Variants in PLCE1 observed in about 807,000 individuals in gnomAD.
PLCE1 encodes 1-phosphatidylinositol 4,5-bisphosphate phosphodiesterase epsilon-1.
Under a neutral mutation model 242.8 loss-of-function variants are expected in PLCE1, and 119 were observed. The observed-to-expected ratio is 0.49, with a 90% CI of 0.42 to 0.57. The LOEUF is 0.57. Among genes scored for constraint, PLCE1 ranks in the 20% least tolerant of loss-of-function variants. The pLI is 0.00. For missense variants in PLCE1, 2,441 were observed against 2,788.8 expected (o/e 0.88, Z 2.81); for synonymous variants, 945 against 1,017.4 (o/e 0.93, Z 1.35).
At chr10:94,272,414 G>T (rs938160792) in intron 18 of PLCE1, among the ~76,000 whole-genome samples, 6 of 152,214 alleles carry the variant, frequency 3.9e-5, no homozygotes, top group Middle Eastern at 3.4e-3. Context: ...ACACCTTATG[G>T]TTGTCTTCCC....
chr10:94,138,227 C>A, intron 3 of PLCE1: 1 of 330,918 alleles, frequency 3.0e-6, no homozygotes, highest in Non-Finnish European at 5.9e-6. Context: ...TAGAGAATCA[C>A]CAGGGGGTGC....
At chr10:94,012,705 C>G (rs1263559867) in intron 1 of PLCE1, among the ~76,000 whole-genome samples, 1 of 151,966 alleles carries the variant, frequency 6.6e-6, no homozygotes, top group African/African-American at 2.4e-5. Flanking sequence ...ATCTTCTGGT[C>G]CCCTTCCCTC....
chr10:94,130,801 G>A (rs1023359129), intron 2 of PLCE1, among the ~76,000 whole-genome samples: 1 of 152,164 alleles, frequency 6.6e-6, no homozygotes, highest in African/African-American at 2.4e-5. Flanking sequence ...TGCATTCTGG[G>A]GTATCATAAG....
At chr10:94,101,895 AGACATGTACCCAG>A (rs1285282722) in intron 2 of PLCE1, among the ~76,000 whole-genome samples, 1 of 152,126 alleles carries the variant, frequency 6.6e-6, no homozygotes, top group Non-Finnish European at 1.5e-5. Flanking sequence ...ATGTGATAGG[AGACATGTACCCAG>A]GACATGTACC....
At chr10:94,032,838 G>A (rs2061586933) in intron 2 of PLCE1, among the ~76,000 whole-genome samples, 1 of 151,816 alleles carries the variant, frequency 6.6e-6, no homozygotes, top group Non-Finnish European at 1.5e-5. Context: ...GACAATTTAG[G>A]TGCTTCTTTA....
At chr10:94,042,848 C>T (rs1258347143) in intron 2 of PLCE1, among the ~76,000 whole-genome samples, 2 of 152,190 alleles carry the variant, frequency 1.3e-5, no homozygotes, top group Non-Finnish European at 2.9e-5. Context: ...AAGCAAACTG[C>T]ACACATCTTG....
chr10:94,078,928 G>A (rs1305938958), intron 2 of PLCE1, among the ~76,000 whole-genome samples: 2 of 152,188 alleles, frequency 1.3e-5, no homozygotes, highest in African/African-American at 2.4e-5. Context: ...CAGGGAATGG[G>A]CTTCTGGAAG....
At chr10:94,000,192 G>T (rs1248442920) in intron 1 of PLCE1, among the ~76,000 whole-genome samples, 1 of 152,238 alleles carries the variant, frequency 6.6e-6, no homozygotes, top group African/African-American at 2.4e-5. Context: ...TAGACAAAGA[G>T]ACAAGTTTGA....
rs561668869 is a variant in PLCE1 at position 94,319,315 on chromosome 10, T to C, written c.6342+2559T>C. On this transcript the variant is annotated intron_variant, in intron 29 of 32. Coordinates refer to ENST00000371380, the MANE Select transcript of PLCE1 (RefSeq NM_016341.4). ...GTGCATAGTGATACCCAAATAATAA[T>C]TGCTGATTGAATAAATGAATTCAGT... is the stretch of plus-strand genomic sequence containing the variant. 9.7e-4 allele frequency among the ~76,000 whole-genome samples: 147 copies of C among 152,276 alleles called. No individual in the cohort carries two copies. The South Asian group carries it at 0.011, about 12-fold the overall frequency.
rs1156269887 is a variant in PLCE1 at position 94,322,469 on chromosome 10, G to A, written c.6501+410G>A. 2.6e-5 allele frequency among the ~76,000 whole-genome samples: 4 copies of A among 152,124 alleles called. No homozygotes were observed. In the East Asian group the frequency reaches 7.7e-4, roughly 29 times the overall value. On this transcript the variant is annotated intron_variant, in intron 30 of 32. Transcript: ENST00000371380. ...AGTTTGAGACCAGCATGGCTGACATGGCAAAACCCTGTCTTTACAAAAAGT... is the reference window on the plus strand; with the variant it reads ...AGTTTGAGACCAGCATGGCTGACATAGCAAAACCCTGTCTTTACAAAAAGT...
intron 2 of PLCE1, among the ~76,000 whole-genome samples, chr10:94,128,569 T>C (rs1449004758): frequency 6.6e-6 from 1 of 152,232 alleles, no homozygotes; most frequent in Non-Finnish European, 1.5e-5. Flanking sequence ...CTGATAACGA[T>C]GTTGAAATAT....
intron 6 of PLCE1, 106 bp downstream of exon 6, chr10:94,234,418 G>A (rs2050249349): frequency 2.6e-6 from 3 of 1,172,754 alleles, no homozygotes; most frequent in Non-Finnish European, 3.8e-6. Flanking sequence ...TGAACACAGG[G>A]TTAATAGTTG....
At chr10:94,251,866 G>A (rs993381617) in intron 8 of PLCE1, among the ~76,000 whole-genome samples, 4 of 152,254 alleles carry the variant, frequency 2.6e-5, no homozygotes, top group South Asian at 2.1e-4. Flanking sequence ...TTTCAAGTCC[G>A]ACTGTCCCAA....
chr10:94,309,377 T>TTGGATGGCAC (rs2053310505), intron 27 of PLCE1, among the ~76,000 whole-genome samples: 1 of 151,916 alleles, frequency 6.6e-6, no homozygotes. Flanking sequence ...GTCACCCAGG[T>TTGGATGGCAC]TGGAGTGCAG....
intron 7 of PLCE1, among the ~76,000 whole-genome samples, chr10:94,236,696 A>T (rs1294374194): frequency 1.3e-5 from 2 of 152,208 alleles, no homozygotes; most frequent in Non-Finnish European, 2.9e-5. Flanking sequence ...GCAGGTTTTT[A>T]AATTGCTCAG....
intron 3 of PLCE1, among the ~76,000 whole-genome samples, chr10:94,165,131 C>G (rs968077684): frequency 6.6e-6 from 1 of 152,204 alleles, no homozygotes; most frequent in South Asian, 2.1e-4. Flanking sequence ...TCTCCAGCTG[C>G]GTGCTGGGAG....
At chr10:94,060,447 T>A (rs2134950705) in intron 2 of PLCE1, among the ~76,000 whole-genome samples, 1 of 151,906 alleles carries the variant, frequency 6.6e-6, no homozygotes, top group African/African-American at 2.4e-5. Flanking sequence ...AATAAAAGAG[T>A]ATGGGAAACA....
At chr10:94,069,641 T>C (rs767214054) in intron 2 of PLCE1, among the ~76,000 whole-genome samples, 5 of 148,960 alleles carry the variant, frequency 3.4e-5, no homozygotes, top group Admixed American at 1.3e-4. Flanking sequence ...AACAAACAAA[T>C]AAACAGACTA....
chr10:94,063,477 G>A (rs1033211653), intron 2 of PLCE1, among the ~76,000 whole-genome samples: 3 of 152,050 alleles, frequency 2.0e-5, no homozygotes, highest in Non-Finnish European at 4.4e-5. Flanking sequence ...TATGTGCCAC[G>A]TGAACATAAT....
Sources: allele counts gnomAD v4.1 joint callset (sites outside exome capture counted in the v4.1 genomes callset), GRCh38; gene constraint gnomAD v4.1.1; transcripts MANE v1.5; gene names NCBI Gene and HGNC (gene_info 2026-07-23, HGNC 2026-07-21).